Variants in DMD observed in about 807,000 individuals in gnomAD.
DMD encodes dystrophin.
A neutral mutation model predicts 330.1 loss-of-function variants in DMD; 63 were observed. The ratio of observed to expected loss-of-function variants is 0.19; its 90% CI spans 0.16 to 0.24. DMD has a LOEUF of 0.24. Ranked by LOEUF, DMD falls within the 10% of genes least tolerant of loss-of-function variation. The pLI is 1.00. For missense variants in DMD, 3,344 were observed against 2,684.1 expected, an observed-to-expected ratio of 1.25 and a Z score of -5.43; for synonymous variants, 1,223 against 959.8, an observed-to-expected ratio of 1.27 and a Z score of -5.07.
chrX:32,293,699 CT>C (rs1324598086), intron 42 of DMD, among the ~76,000 whole-genome samples: 1 of 111,635 alleles, frequency 9.0e-6, no homozygotes, highest in Admixed American at 9.5e-5. Flanking sequence ...AAAAACAAAA[CT>C]CATAATAAAA....
At chrX:33,106,763 G>C (rs1320559975) in intron 1 of DMD, among the ~76,000 whole-genome samples, 1 of 111,790 alleles carries the variant, frequency 8.9e-6, no homozygotes, top group Non-Finnish European at 1.9e-5. Context: ...TTGGTTATCA[G>C]ATCCTGTTGT....
At chrX:32,546,558 T>A (rs1324354992) in intron 16 of DMD, among the ~76,000 whole-genome samples, 1 of 111,572 alleles carries the variant, frequency 9.0e-6, no homozygotes, top group South Asian at 3.7e-4. Context: ...AGGAATAAAA[T>A]CTTTTCCATG....
chrX:32,724,885 A>C (rs1485070249), intron 7 of DMD, among the ~76,000 whole-genome samples: 1 of 111,899 alleles, frequency 8.9e-6, no homozygotes, highest in Admixed American at 9.6e-5. Context: ...GATCTTTAGC[A>C]TTTTTAAACA....
Position 32,416,307 on chromosome X carries a change from A to T in DMD, c.4072-4394T>A, listed in dbSNP as rs548086426. 2.4e-4 allele frequency among the ~76,000 whole-genome samples: 27 copies of T among 112,345 alleles called. No individual in the cohort carries two copies. In the South Asian group the frequency reaches 8.4e-3, roughly 35 times the overall value. On this transcript the variant is annotated intron_variant, in intron 29 of 78. Coordinates refer to ENST00000357033, the MANE Select transcript of DMD (RefSeq NM_004006.3). ...CATTTATGAGGTGATGGGTAAGCTT[A>T]TGCTTGCAAATGGATTAAGAATGTG... is the stretch of plus-strand genomic sequence containing the variant.
chrX:31,255,726 TAAAAGA>T (rs2049873192), intron 63 of DMD, among the ~76,000 whole-genome samples: 1 of 105,696 alleles, frequency 9.5e-6, no homozygotes, highest in Non-Finnish European at 1.9e-5. Flanking sequence ...CAGCCCAAAG[TAAAAGA>T]AAAACAAAAA....
chrX:32,500,059 T>C (rs996179976), intron 19 of DMD, among the ~76,000 whole-genome samples: 24 of 110,845 alleles, frequency 2.2e-4, no homozygotes, highest in African/African-American at 7.9e-4. Context: ...ACCATATCTT[T>C]ACTGGTAGAA....
chrX:32,112,614 C>T (rs73456119), intron 44 of DMD, among the ~76,000 whole-genome samples: 4 of 111,534 alleles, frequency 3.6e-5, no homozygotes, highest in Non-Finnish European at 3.8e-5. Flanking sequence ...TTGTAAATAA[C>T]GGAGGGATGT....
At chrX:33,042,605 C>A (rs2094320059) in intron 1 of DMD, among the ~76,000 whole-genome samples, 1 of 112,235 alleles carries the variant, frequency 8.9e-6, no homozygotes, top group Admixed American at 9.5e-5. Flanking sequence ...TGATCACACC[C>A]GTAAGTGCTA....
rs190031976 is a variant in DMD, at chrX:31,420,578, G to C, written c.9084+23903C>G. On this transcript the variant is annotated intron_variant, in intron 60 of 78. Coordinates refer to ENST00000357033, the MANE Select transcript of DMD (RefSeq NM_004006.3). Reference sequence around the variant, plus strand: ...TTTTAAAGAAGTGAGAAAGACATGCGTGAACAGGCAATTTTGCTCCCAGAT... The same window carrying C: ...TTTTAAAGAAGTGAGAAAGACATGCCTGAACAGGCAATTTTGCTCCCAGAT... Among the ~76,000 whole-genome samples the C allele has an allele frequency of 2.9e-3, 328 of 112,222 alleles. 1 individual carries two copies. The highest frequency in any genetic ancestry group is 3.9e-3 in the Non-Finnish European group (207 of 53,239).
intron 49 of DMD, among the ~76,000 whole-genome samples, chrX:31,829,333 C>G (rs757837082): frequency 2.7e-5 from 3 of 110,357 alleles, no homozygotes; most frequent in Non-Finnish European, 5.7e-5. Context: ...CTATAGAACT[C>G]ATCCATGTAA....
At chrX:31,543,332 A>G (rs1050787357) in intron 55 of DMD, among the ~76,000 whole-genome samples, 16 of 109,757 alleles carry the variant, frequency 1.5e-4, no homozygotes, top group African/African-American at 5.0e-4. Flanking sequence ...CACCACTCCT[A>G]GCTATTTTTT....
intron 55 of DMD, among the ~76,000 whole-genome samples, chrX:31,619,472 C>T (rs2078402998): frequency 8.9e-6 from 1 of 111,885 alleles, no homozygotes; most frequent in Non-Finnish European, 1.9e-5. Flanking sequence ...TTCAGTTTGA[C>T]TTTTGTTTAA....
intron 60 of DMD, among the ~76,000 whole-genome samples, chrX:31,437,603 C>A (rs973246906): frequency 2.7e-5 from 3 of 110,672 alleles, no homozygotes. Context: ...AGAAACACTG[C>A]CCATTGTTGT....
chrX:33,000,057 G>A (rs1602527495), intron 2 of DMD, among the ~76,000 whole-genome samples: 1 of 112,024 alleles, frequency 8.9e-6, no homozygotes, highest in Admixed American at 9.4e-5. Context: ...ATCATGTAAC[G>A]AATTCCATAT....
At chrX:31,982,975 T>C (rs2095486390) in intron 44 of DMD, among the ~76,000 whole-genome samples, 1 of 107,013 alleles carries the variant, frequency 9.3e-6, no homozygotes, top group Non-Finnish European at 2.0e-5. Flanking sequence ...TTGTTAATGG[T>C]ATTTTTCTAC....
At chrX:32,742,485 C>T (rs1195474115) in intron 7 of DMD, among the ~76,000 whole-genome samples, 12 of 110,867 alleles carry the variant, frequency 1.1e-4, no homozygotes, top group African/African-American at 3.6e-4. Context: ...AGGAAAAATG[C>T]GAGGTAGAGA....
At chrX:31,453,472 T>C (rs990061685) in intron 59 of DMD, among the ~76,000 whole-genome samples, 2 of 110,622 alleles carry the variant, frequency 1.8e-5, no homozygotes, top group Non-Finnish European at 3.8e-5. Flanking sequence ...GGGATTATCG[T>C]TGAATAGACA....
intron 43 of DMD, among the ~76,000 whole-genome samples, chrX:32,231,884 A>T (rs1341905410): frequency 1.8e-5 from 2 of 111,303 alleles, no homozygotes; most frequent in East Asian, 5.6e-4. Context: ...CTCAATTATA[A>T]AATAATTTTC....
At chrX:32,849,185 C>A (rs1044599172) in intron 3 of DMD, among the ~76,000 whole-genome samples, 1 of 111,697 alleles carries the variant, frequency 9.0e-6, no homozygotes, top group African/African-American at 3.3e-5. Context: ...TTCTTTCCCC[C>A]CCCAGTGTAA....
Sources: allele counts gnomAD v4.1 joint callset (sites outside exome capture counted in the v4.1 genomes callset), GRCh38; gene constraint gnomAD v4.1.1; transcripts MANE v1.5; gene names NCBI Gene and HGNC (gene_info 2026-07-23, HGNC 2026-07-21).